The following BACH2 variants were observed in gnomAD, a reference collection of about 807,000 sequenced individuals.
The protein encoded by BACH2 is BACH transcriptional regulator 2, also known as transcription regulator protein BACH2.
Under a neutral mutation model 61.8 loss-of-function variants are expected in BACH2, and 5 were observed. The ratio of observed to expected loss-of-function variants is 0.08; its 90% confidence interval spans 0.04 to 0.17. The LOEUF (loss-of-function observed/expected upper bound fraction) is 0.17, where lower values mean the gene tolerates loss of function less well. Among genes scored for constraint, BACH2 ranks in the 10% least tolerant of loss-of-function variants. BACH2 has a pLI of 1.00. For synonymous variants in BACH2, 446 were observed against 440.1 expected (o/e 1.01, Z -0.17); for missense variants, 824 against 1,091.1 (o/e 0.76, Z 3.45).
At chr6:90,147,803 T>TA in intron 4 of BACH2, among the ~76,000 whole-genome samples, 1 of 152,282 alleles carries the variant, frequency 6.6e-6, no homozygotes, top group Middle Eastern at 3.4e-3. Context: ...TTTCTGCAAA[T>TA]AAATAATTTG....
intron 3 of BACH2, among the ~76,000 whole-genome samples, chr6:90,244,731 G>C (rs1033710179): frequency 2.6e-5 from 4 of 152,144 alleles, no homozygotes; most frequent in Non-Finnish European, 5.9e-5. Context: ...CACATCCCAT[G>C]TTTACCTACT....
Position 89,932,759 on chromosome 6 carries a change from G to T in BACH2, c.2175C>A (p.Ala725=). ...RDIQSPEQIQ[A]LHRYCPVLRP... ...TGAGGACAGGGCAATACCGATGCAG[G>T]GCCTGGATCTGCTCGGGGCTCTGGA... The change falls in exon 9 of 9, where the codon GCC becomes GCA. Residue 725 remains alanine (A), a synonymous_variant. Coordinates refer to ENST00000257749, the MANE Select transcript of BACH2 (RefSeq NM_021813.4). 6.2e-7 allele frequency: 1 copy of T among 1,614,068 alleles called. No homozygotes were observed. Among genetic ancestry groups the T allele is most frequent in the Non-Finnish European group, 8.5e-7 (1 of 1,179,966 alleles).
At chr6:90,087,878 C>T (rs183177765) in intron 5 of BACH2, among the ~76,000 whole-genome samples, 38 of 152,112 alleles carry the variant, frequency 2.5e-4, no homozygotes, top group African/African-American at 9.2e-4. Flanking sequence ...CTTTGAGTTA[C>T]AAACAATCCA....
rs11269670 is a variant in BACH2 at position 90,092,291 on chromosome 6, A to T, written c.-161-3182T>A. Among the ~76,000 whole-genome samples the T allele has an allele frequency of 8.8e-5, 10 of 113,842 alleles. No homozygotes were observed. In the South Asian group the frequency reaches 1.3e-3, roughly 15 times the overall value. 74.7% of individuals were successfully genotyped at this position (113,842 alleles called of 152,430 possible). On this transcript the variant is annotated intron_variant, in intron 4 of 8. Coordinates refer to ENST00000257749, the MANE Select transcript of BACH2 (RefSeq NM_021813.4). ...GCACACTGTCAAAGTAAAAAAAAAA[A>T]ATATATATATATATATATATATATA...
intron 4 of BACH2, among the ~76,000 whole-genome samples, chr6:90,117,299 C>T (rs1431040427): frequency 6.6e-6 from 1 of 152,138 alleles, no homozygotes; most frequent in Non-Finnish European, 1.5e-5. Context: ...CTCCAGCCAT[C>T]TTGAATTTCA....
intron 3 of BACH2, among the ~76,000 whole-genome samples, chr6:90,224,033 T>C (rs1769829668): frequency 6.6e-6 from 1 of 152,230 alleles, no homozygotes; most frequent in South Asian, 2.1e-4. Flanking sequence ...ATGGGAAATT[T>C]TGGCACCTGA....
intron 5 of BACH2, among the ~76,000 whole-genome samples, chr6:90,037,268 G>A (rs978057012): frequency 6.6e-6 from 1 of 152,158 alleles, no homozygotes; most frequent in Non-Finnish European, 1.5e-5. Flanking sequence ...TGGATTAAGT[G>A]TGAAAAATGA....
rs189767121 is a variant in BACH2, at chr6:90,085,848, C to G, written c.-13+3113G>C. Among the ~76,000 whole-genome samples, 10 of 152,222 alleles carry G rather than the reference C, an allele frequency of 6.6e-5. No homozygotes were observed. The East Asian group carries it at 1.9e-3, about 29-fold the overall frequency. ...AAAATATATACAACATAAAATTTAC[C>G]ATTTTACCCATTTTAAGTGTGCATT... On this transcript the variant is annotated intron_variant, in intron 5 of 8. Transcript: ENST00000257749.
At chr6:90,101,316 C>T (rs184212781) in intron 4 of BACH2, among the ~76,000 whole-genome samples, 7 of 152,284 alleles carry the variant, frequency 4.6e-5, no homozygotes, top group Admixed American at 3.3e-4. Context: ...CACTGCCTAA[C>T]GCAAGGTCAC....
intron 4 of BACH2, among the ~76,000 whole-genome samples, chr6:90,140,128 G>GA (rs1784414765): frequency 6.6e-6 from 1 of 152,152 alleles, no homozygotes; most frequent in African/African-American, 2.4e-5. Flanking sequence ...GAACCCCATG[G>GA]AAAAGGGCTG....
At chr6:90,110,096 G>A (rs12196749) in intron 4 of BACH2, among the ~76,000 whole-genome samples, 60,411 of 152,060 alleles carry the variant, frequency 0.4, 12,441 homozygotes, top group Admixed American at 0.43. Flanking sequence ...AGGACTGCTG[G>A]ATTCTCATAT....
intron 6 of BACH2, among the ~76,000 whole-genome samples, chr6:89,968,482 T>C (rs1775165456): frequency 1.3e-5 from 2 of 152,212 alleles, no homozygotes. Context: ...ATTACATGTT[T>C]AGAAAGAATT....
intron 8 of BACH2, among the ~76,000 whole-genome samples, chr6:89,936,229 G>T (rs925151497): frequency 6.6e-6 from 1 of 152,210 alleles, no homozygotes; most frequent in Admixed American, 6.5e-5. Flanking sequence ...CCAGAGGTCA[G>T]ATCAGGCTTC....
intron 2 of BACH2, among the ~76,000 whole-genome samples, chr6:90,262,240 T>C (rs1328006941): frequency 6.6e-5 from 10 of 152,224 alleles, no homozygotes; most frequent in East Asian, 1.9e-4. Flanking sequence ...CATGCTTCTA[T>C]GGCCTTGTAT....
At chr6:90,267,126 C>CCTCAACA (rs1184295212) in intron 2 of BACH2, among the ~76,000 whole-genome samples, 1 of 151,932 alleles carries the variant, frequency 6.6e-6, no homozygotes, top group East Asian at 1.9e-4. Context: ...ACCAAAAAAC[C>CCTCAACA]CTCAACACTG....
At chr6:90,217,786 T>C (rs983228725) in intron 3 of BACH2, among the ~76,000 whole-genome samples, 2 of 152,116 alleles carry the variant, frequency 1.3e-5, no homozygotes, top group Admixed American at 1.3e-4. Context: ...GTATAAACAG[T>C]AAACAAAATT....
chr6:90,294,003 T>C (rs1478531383), intron 1 of BACH2, among the ~76,000 whole-genome samples: 1 of 152,164 alleles, frequency 6.6e-6, no homozygotes, highest in Non-Finnish European at 1.5e-5. Flanking sequence ...ATACAGAAAG[T>C]GAATCCTGAT....
At chr6:90,135,733 T>C (rs1180782424) in intron 4 of BACH2, among the ~76,000 whole-genome samples, 2 of 152,156 alleles carry the variant, frequency 1.3e-5, no homozygotes, top group Non-Finnish European at 2.9e-5. Context: ...GACCCTACTA[T>C]GATCAAGATT....
chr6:90,170,648 T>A lies in BACH2; in HGVS notation c.-162+35921A>T, dbSNP rs561426290. Among the ~76,000 whole-genome samples the A allele has an allele frequency of 1.6e-4, 25 of 152,366 alleles. 1 individual carries two copies. The South Asian group carries it at 5.2e-3, about 32-fold the overall frequency. On this transcript the variant is annotated intron_variant, in intron 4 of 8. Coordinates refer to ENST00000257749, the MANE Select transcript of BACH2 (RefSeq NM_021813.4). ...TAGGTAAAATATGATTCTATTGTGA[T>A]GTAAAGTTACCTTTTTGACTGTAGT...
Sources: gnomAD v4.1 joint callset for allele counts (sites outside exome capture counted in the v4.1 genomes callset) on GRCh38, gnomAD v4.1.1 for gene constraint, MANE v1.5 for transcripts, NCBI Gene and HGNC (gene_info 2026-07-23, HGNC 2026-07-21) for gene names.